Variants in FLNB observed in about 807,000 individuals in gnomAD.
The protein encoded by FLNB is filamin B.
FLNB carries 111 observed loss-of-function variants against 250.6 expected under a neutral mutation model. That is an observed-to-expected ratio of 0.44 (90% confidence interval 0.38 to 0.52). FLNB has a LOEUF of 0.52. Ranked by LOEUF, FLNB falls within the 20% of genes least tolerant of loss-of-function variation. FLNB has a pLI of 0.00. For synonymous variants in FLNB, 1,302 were observed against 1,372.1 expected, an observed-to-expected ratio of 0.95 and a Z score of 1.13; for missense variants, 2,869 against 3,447.8, an observed-to-expected ratio of 0.83 and a Z score of 4.20.
intron 1 of FLNB, among the ~76,000 whole-genome samples, chr3:58,046,052 T>G (rs147896240): frequency 6.6e-6 from 1 of 150,426 alleles, no homozygotes; most frequent in African/African-American, 2.4e-5. Flanking sequence ...ATAGAATACC[T>G]TGGAGAACCT....
intron 26 of FLNB, 94 bp downstream of exon 26, chr3:58,133,025 A>G (rs2097310143): frequency 2.2e-6 from 3 of 1,387,178 alleles, no homozygotes; most frequent in Non-Finnish European, 3.0e-6. Context: ...CCGTTCCTCC[A>G]TCATTCCATC....
At chr3:58,105,024 A>G (rs546988932) in intron 10 of FLNB, 56 bp from the exon 11 acceptor site, 182 of 1,608,982 alleles carry the variant, frequency 1.1e-4, no homozygotes, top group Non-Finnish European at 1.3e-4. Flanking sequence ...GCTTATGGCT[A>G]TAGTGACACC....
intron 10 of FLNB, among the ~76,000 whole-genome samples, chr3:58,104,705 A>G (rs1291758166): frequency 1.3e-5 from 2 of 152,226 alleles, no homozygotes; most frequent in African/African-American, 4.8e-5. Context: ...TATGAGATAA[A>G]GCCCATTCAA....
In FLNB at chr3:58,096,150, A is replaced by G. The variant is rs1190444709; in HGVS notation, c.916A>G (p.Thr306Ala). 3.1e-6 allele frequency: 5 copies of G among 1,613,642 alleles called. No homozygotes were observed. Among genetic ancestry groups the G allele is most frequent in the Non-Finnish European group, 4.2e-6 (5 of 1,179,724 alleles). Residue 306 changes from threonine (T) to alanine (A), a missense_variant, in exon 6 of 46, where the codon ACC (threonine) becomes GCC (alanine). Coordinates refer to ENST00000295956, the MANE Select transcript of FLNB (RefSeq NM_001457.4). ...CCACCTTCCCTCCTAGGCACAAGTG[A>G]CCCCTGACAGTGACAAGAACAAGAC... ...PEGNKEEAQV[T>A]PDSDKNKTYS...
At chr3:58,148,128 A>ACAG in intron 34 of FLNB, 78 bp from the exon 35 acceptor site, 1 of 1,453,232 alleles carries the variant, frequency 6.9e-7, no homozygotes, top group Non-Finnish European at 9.7e-7. Context: ...TCATCCGTGA[A>ACAG]CAGCATATGG....
intron 9 of FLNB, among the ~76,000 whole-genome samples, chr3:58,103,556 A>G (rs546858179): frequency 6.6e-6 from 1 of 152,322 alleles, no homozygotes; most frequent in African/African-American, 2.4e-5. Flanking sequence ...TAAAACTCAT[A>G]CCAAATACTT....
At chr3:58,158,839 A>G (rs1195442403) in intron 41 of FLNB, among the ~76,000 whole-genome samples, 2 of 152,164 alleles carry the variant, frequency 1.3e-5, no homozygotes, top group African/African-American at 4.8e-5. Context: ...GCATATTAAT[A>G]TTTAATAATA....
intron 1 of FLNB, among the ~76,000 whole-genome samples, chr3:58,031,592 G>T (rs2106760592): frequency 7.6e-6 from 1 of 131,426 alleles, no homozygotes; most frequent in South Asian, 2.4e-4. Context: ...TGCCCTGTTG[G>T]CCAGGCTGCA....
At chr3:58,122,964 AT>A (rs2097291596) in intron 20 of FLNB, 128 bp from the exon 21 acceptor site, 1 of 854,116 alleles carries the variant, frequency 1.2e-6, no homozygotes, top group Non-Finnish European at 2.0e-6. Flanking sequence ...CGTGTGACAC[AT>A]AAAGCCCCAA....
chr3:58,047,405 C>T (rs1242400675), intron 1 of FLNB, among the ~76,000 whole-genome samples: 1 of 152,068 alleles, frequency 6.6e-6, no homozygotes, highest in African/African-American at 2.4e-5. Flanking sequence ...GAGATGGGAT[C>T]TCACTATGTT....
intron 25 of FLNB, chr3:58,132,504 ACAT>A (rs1294468733): frequency 6.2e-6 from 3 of 483,010 alleles, no homozygotes; most frequent in African/African-American, 5.9e-5. Context: ...TCTTCAACAC[ACAT>A]CATCCACATA....
chr3:58,020,737 G>A (rs187500327), intron 1 of FLNB, among the ~76,000 whole-genome samples: 2 of 147,774 alleles, frequency 1.4e-5, no homozygotes, highest in East Asian at 2.0e-4. Flanking sequence ...AAAAAAAAAG[G>A]CTACTAAAGA....
At chr3:58,050,039 CTTTTTT>C (rs1205782532) in intron 1 of FLNB, among the ~76,000 whole-genome samples, 1 of 95,664 alleles carries the variant, frequency 1.0e-5, no homozygotes, top group Non-Finnish European at 2.2e-5. Context: ...TTTTTTTTTT[CTTTTTT>C]TTTGAGACAG....
intron 1 of FLNB, among the ~76,000 whole-genome samples, chr3:58,044,818 G>A (rs2097151260): frequency 6.6e-6 from 1 of 152,116 alleles, no homozygotes; most frequent in East Asian, 1.9e-4. Flanking sequence ...TCCTGCAGAG[G>A]AGACAGCACT....
intron 1 of FLNB, among the ~76,000 whole-genome samples, chr3:58,044,766 G>GA (rs2097151136): frequency 6.6e-6 from 1 of 152,194 alleles, no homozygotes; most frequent in Non-Finnish European, 1.5e-5. Context: ...AGCACCTTGG[G>GA]ACCCCCCTGA....
chr3:58,020,048 G>GGGGT (rs1255450719), intron 1 of FLNB, among the ~76,000 whole-genome samples: 51 of 136,996 alleles, frequency 3.7e-4, no homozygotes, highest in South Asian at 3.1e-3. Context: ...ACACCACAGG[G>GGGGT]GTGTGTGTGT....
Position 58,169,512 on chromosome 3 carries a change from G to A in FLNB, c.7418-78G>A, listed in dbSNP as rs1350732375. ...GGCTCTCCTGGGGTTACTGTGTAGG[G>A]TACTCGCCTGTCCTCTGGCTGAGAG... On this transcript the variant is annotated intron_variant, in intron 44 of 45. Coordinates refer to ENST00000295956, the MANE Select transcript of FLNB (RefSeq NM_001457.4). The surrounding 1 kb of genome is among the most constrained non-coding windows in gnomAD (Gnocchi z 4.8). The A allele has an allele frequency of 1.7e-6, 2 of 1,156,550 alleles. No individual in the cohort carries two copies. The highest frequency in any genetic ancestry group is 2.6e-6 in the Non-Finnish European group (2 of 763,564). The allele number at this position is 1,156,550 out of a possible 1,614,324, so 71.6% of individuals were successfully genotyped here.
At chr3:58,059,427 A>G (rs6763256) in intron 1 of FLNB, among the ~76,000 whole-genome samples, 8,784 of 152,086 alleles carry the variant, frequency 0.058, 817 homozygotes, top group African/African-American at 0.2. Flanking sequence ...AGCTTTTCAG[A>G]GCTAGGTTCA....
chr3:58,110,143 C>T lies in FLNB; in HGVS notation c.2457C>T (p.Tyr819=), dbSNP rs746387638. The T allele has an allele frequency of 3.2e-5, 51 of 1,614,094 alleles. No individual in the cohort carries two copies. The highest frequency in any genetic ancestry group is 4.2e-5 in the Non-Finnish European group (49 of 1,180,048). The change falls in exon 16 of 46, where the codon TAC becomes TAT. Residue 819 remains tyrosine (Y), a synonymous_variant. Transcript: ENST00000295956. ...VKYVPPAAGR[Y]TIKVLFASQE... ...ATGTGCCTCCTGCTGCTGGGCGATA[C>T]ACTATCAAAGTTCTCTTTGCATCTC...
Sources: gnomAD v4.1 joint callset for allele counts (sites outside exome capture counted in the v4.1 genomes callset) on GRCh38, gnomAD v4.1.1 for gene constraint, Gnocchi (gnomAD v3.1) non-coding constraint, MANE v1.5 for transcripts, NCBI Gene and HGNC (gene_info 2026-07-23, HGNC 2026-07-21) for gene names.